APH1B: variants seen among roughly 807,000 people sequenced by gnomAD.
The protein encoded by APH1B is gamma-secretase subunit APH-1B.
A neutral mutation model predicts 28.2 loss-of-function variants in APH1B; 27 were observed. The ratio of observed to expected loss-of-function variants is 0.96; its 90% CI spans 0.70 to 1.32. APH1B has a LOEUF of 1.32. APH1B is among the 40% of genes most tolerant of loss of function. The pLI is 0.00. For synonymous variants in APH1B, 141 were observed against 124.6 expected (o/e 1.13, Z -0.88); for missense variants, 305 against 313.6 (o/e 0.97, Z 0.21).
At chr15:63,301,241 G>C (rs1279322003) in intron 4 of APH1B, among the ~76,000 whole-genome samples, 1 of 152,246 alleles carries the variant, frequency 6.6e-6, no homozygotes, top group Non-Finnish European at 1.5e-5. Flanking sequence ...AATAGAGAAT[G>C]CAAATTCCTC....
chr15:63,278,793 G>A (rs1595757552), intron 1 of APH1B, among the ~76,000 whole-genome samples: 1 of 152,362 alleles, frequency 6.6e-6, no homozygotes, highest in African/African-American at 2.4e-5. Flanking sequence ...AATCAGGGTT[G>A]TGTATTTTCT....
intron 4 of APH1B, among the ~76,000 whole-genome samples, chr15:63,295,603 G>A (rs1339053734): frequency 6.6e-6 from 1 of 152,200 alleles, no homozygotes; most frequent in African/African-American, 2.4e-5. Context: ...ATGATTCTTG[G>A]TTGGGGGCTG....
intron 2 of APH1B, among the ~76,000 whole-genome samples, chr15:63,284,105 A>G (rs1364062565): frequency 6.6e-6 from 1 of 152,188 alleles, no homozygotes; most frequent in African/African-American, 2.4e-5. Context: ...GTAAGTTTTG[A>G]AATGGAGAAG....
chr15:63,298,897 TAAA>T (rs11361217), intron 4 of APH1B, among the ~76,000 whole-genome samples: 74 of 142,914 alleles, frequency 5.2e-4, no homozygotes, highest in Admixed American at 5.5e-4. Flanking sequence ...GTGTTGAATG[TAAA>T]AAAAAAAAAA....
chr15:63,282,090 T>C (rs1034600027), intron 2 of APH1B, among the ~76,000 whole-genome samples: 1 of 152,232 alleles, frequency 6.6e-6, no homozygotes, highest in African/African-American at 2.4e-5. Flanking sequence ...AAATGTTAAA[T>C]GTTATGTAGA....
At chr15:63,288,098 CAT>C (rs1217979490) in intron 4 of APH1B, among the ~76,000 whole-genome samples, 4 of 152,204 alleles carry the variant, frequency 2.6e-5, no homozygotes, top group African/African-American at 7.2e-5. Flanking sequence ...ACATAATTAA[CAT>C]AGATTTCTTC....
At chr15:63,299,917 T>C (rs984168434) in intron 4 of APH1B, among the ~76,000 whole-genome samples, 10 of 151,694 alleles carry the variant, frequency 6.6e-5, no homozygotes, top group African/African-American at 1.9e-4. Context: ...GTAGAAGGCA[T>C]AGGGGGACTA....
At chr15:63,281,495 A>G (rs953758131) in intron 2 of APH1B, among the ~76,000 whole-genome samples, 1 of 148,182 alleles carries the variant, frequency 6.7e-6, no homozygotes, top group Non-Finnish European at 1.5e-5. Flanking sequence ...CAGTGACATC[A>G]TTGGCCCATA....
At chr15:63,305,551 G>C in intron 5 of APH1B, 63 bp from the exon 6 acceptor site, 1 of 1,563,532 alleles carries the variant, frequency 6.4e-7, no homozygotes, top group African/African-American at 1.4e-5. Flanking sequence ...TTTATCTTTG[G>C]TTATTCCACA....
chr15:63,295,039 C>T (rs1172178705), intron 4 of APH1B, among the ~76,000 whole-genome samples: 2 of 152,240 alleles, frequency 1.3e-5, no homozygotes, highest in Admixed American at 1.3e-4. Flanking sequence ...TCTCCCATAA[C>T]TTACATCCAT....
At chr15:63,284,374 C>G (rs371176703) in intron 2 of APH1B, among the ~76,000 whole-genome samples, 8 of 152,134 alleles carry the variant, frequency 5.3e-5, no homozygotes, top group East Asian at 1.9e-4. Context: ...CCACCACACC[C>G]GGCTCATTTT....
At chr15:63,282,050 A>G (rs1248874567) in intron 2 of APH1B, among the ~76,000 whole-genome samples, 3 of 152,228 alleles carry the variant, frequency 2.0e-5, no homozygotes, top group African/African-American at 7.2e-5. Context: ...GAGCCTTTAG[A>G]ATATTCAAAA....
intron 2 of APH1B, among the ~76,000 whole-genome samples, chr15:63,286,182 C>T (rs2038443351): frequency 6.6e-6 from 1 of 152,104 alleles, no homozygotes; most frequent in South Asian, 2.1e-4. Context: ...GGATACAGTA[C>T]TTTGGGAAGG....
intron 4 of APH1B, among the ~76,000 whole-genome samples, chr15:63,297,094 T>G (rs896891275): frequency 5.9e-5 from 9 of 152,236 alleles, no homozygotes; most frequent in African/African-American, 2.2e-4. Context: ...TGATATACAG[T>G]ACTTGTTAGA....
At position 63,286,633 on chromosome 15, in the gene APH1B, G is replaced by A. The variant is rs1334772656; in HGVS notation, c.355+5G>A. 1.3e-6 allele frequency: 2 copies of A among 1,599,878 alleles called. No individual in the cohort carries two copies. The highest frequency in any genetic ancestry group is 1.7e-6 in the Non-Finnish European group (2 of 1,175,110). On this transcript the variant is annotated splice_donor_5th_base_variant and intron_variant, in intron 3 of 5. Coordinates refer to ENST00000261879, the MANE Select transcript of APH1B (RefSeq NM_031301.4). Reference sequence around the variant, plus strand: ...CTATGCGACTGCTGGCCTATGGTAAGTTAGAACCACATGGTTTCATTAAGG... The same window carrying A: ...CTATGCGACTGCTGGCCTATGGTAAATTAGAACCACATGGTTTCATTAAGG...
At chr15:63,298,387 T>C (rs983180397) in intron 4 of APH1B, among the ~76,000 whole-genome samples, 1 of 152,020 alleles carries the variant, frequency 6.6e-6, no homozygotes, top group African/African-American at 2.4e-5. Context: ...ATTTTTGTAT[T>C]TGTTGTAGAG....
At position 63,299,158 on chromosome 15, in the gene APH1B, G is replaced by C. The variant is rs186712467; in HGVS notation, c.479-3187G>C. Among the ~76,000 whole-genome samples the C allele has an allele frequency of 1.1e-4, 17 of 152,268 alleles. No homozygotes were observed. In the East Asian group the frequency reaches 3.3e-3, roughly 29 times the overall value. ...AAGATAGTAGAGAACATGGTGTCAA[G>C]GTAATTGGGGTGTAGATTGTAGAGG... On this transcript the variant is annotated intron_variant, in intron 4 of 5. Coordinates refer to ENST00000261879, the MANE Select transcript of APH1B (RefSeq NM_031301.4).
rs906468731 is a variant in APH1B at position 63,306,047 on chromosome 15, C to A, written c.*266C>A. ...CTTCCAGAGCTAATTGGCCTGGGCACGTGGTGAGTTTTAAAAGCTTCCCAG... is the reference window on the plus strand; with the variant it reads ...CTTCCAGAGCTAATTGGCCTGGGCAAGTGGTGAGTTTTAAAAGCTTCCCAG... On this transcript the variant is annotated 3_prime_UTR_variant, in exon 6 of 6. Transcript: ENST00000261879. 9 of 363,140 alleles carry A rather than the reference C, an allele frequency of 2.5e-5. No individual in the cohort carries two copies. The highest frequency in any genetic ancestry group is 1.5e-4 in the African/African-American group (7 of 46,476). The allele number at this position is 363,140 out of a possible 1,614,324, so 22.5% of individuals were successfully genotyped here.
intron 2 of APH1B, among the ~76,000 whole-genome samples, chr15:63,285,551 A>G (rs2038436093): frequency 6.6e-6 from 1 of 152,260 alleles, no homozygotes. Flanking sequence ...CAGCATTCCT[A>G]ACAAATCTGC....
Sources: gnomAD v4.1 joint callset for allele counts (sites outside exome capture counted in the v4.1 genomes callset) on GRCh38, gnomAD v4.1.1 for gene constraint, MANE v1.5 for transcripts, NCBI Gene and HGNC (gene_info 2026-07-23, HGNC 2026-07-21) for gene names.